PCDH9: variants seen among roughly 807,000 people sequenced by gnomAD.
The protein encoded by PCDH9 is protocadherin 9, also known as protocadherin-9.
In PCDH9, 24 loss-of-function variants were observed where a neutral mutation model predicts 70.6. The observed-to-expected ratio is 0.34, with a 90% CI of 0.25 to 0.48. The LOEUF (loss-of-function observed/expected upper bound fraction) is 0.48. PCDH9 is among the 20% of genes least tolerant of loss of function. The probability of loss-of-function intolerance (pLI) is 0.99; values close to 1 mark genes in which losing one functional copy is unlikely to be tolerated. For missense variants in PCDH9, 1,281 were observed against 1,503.6 expected (o/e 0.85, Z 2.45); for synonymous variants, 562 against 558.5 (o/e 1.01, Z -0.09).
At chr13:66,824,717 T>G in intron 3 of PCDH9, among the ~76,000 whole-genome samples, 1 of 140,376 alleles carries the variant, frequency 7.1e-6, no homozygotes, top group East Asian at 2.1e-4. Flanking sequence ...CATATATATA[T>G]ACACACACAC....
Position 66,682,320 on chromosome 13 carries a change from G to A in PCDH9, c.3139-50909C>T, listed in dbSNP as rs142700058. ...GCAATATTACCTCCTTTATGAATGCGTGACCTATCGCTATGCCTGTAGCTG... is the reference window on the plus strand; with the variant it reads ...GCAATATTACCTCCTTTATGAATGCATGACCTATCGCTATGCCTGTAGCTG... On this transcript the variant is annotated intron_variant, in intron 3 of 4. Transcript: ENST00000377865. 1.2e-3 allele frequency among the ~76,000 whole-genome samples: 181 copies of A among 151,888 alleles called. 1 individual carries two copies. The highest frequency in any genetic ancestry group is 4.2e-3 in the African/African-American group (173 of 41,430).
intron 2 of PCDH9, among the ~76,000 whole-genome samples, chr13:67,139,961 A>G (rs2087331926): frequency 6.6e-6 from 1 of 151,084 alleles, no homozygotes; most frequent in Admixed American, 6.6e-5. Context: ...TCTGAAATAC[A>G]ACTTCATAGG....
intron 2 of PCDH9, among the ~76,000 whole-genome samples, chr13:67,052,268 G>T (rs2085337752): frequency 1.3e-5 from 2 of 152,258 alleles, no homozygotes; most frequent in South Asian, 2.1e-4. Flanking sequence ...TGAGAAAGTG[G>T]CACTAAGGTG....
chr13:66,690,740 A>C (rs1202965856), intron 3 of PCDH9, among the ~76,000 whole-genome samples: 3 of 152,210 alleles, frequency 2.0e-5, no homozygotes, highest in Non-Finnish European at 2.9e-5. Context: ...GTCAGAAATA[A>C]GTTTCCTGGT....
At chr13:66,375,930 C>A (rs1956738505) in intron 4 of PCDH9, among the ~76,000 whole-genome samples, 1 of 152,058 alleles carries the variant, frequency 6.6e-6, no homozygotes, top group Non-Finnish European at 1.5e-5. Context: ...CAGTTCTCCT[C>A]TGTGAGTACA....
intron 4 of PCDH9, among the ~76,000 whole-genome samples, chr13:66,524,183 A>G (rs1366328543): frequency 6.6e-6 from 1 of 152,168 alleles, no homozygotes; most frequent in Non-Finnish European, 1.5e-5. Context: ...AAAATCAAAT[A>G]TATTGAAAGT....
At chr13:66,874,435 G>A (rs1415812587) in intron 3 of PCDH9, among the ~76,000 whole-genome samples, 5 of 152,022 alleles carry the variant, frequency 3.3e-5, no homozygotes, top group Non-Finnish European at 5.9e-5. Flanking sequence ...CATCTGCCTT[G>A]TAGATTTTAC....
At chr13:67,219,688 T>C (rs2089682218) in intron 2 of PCDH9, 2 of 152,036 alleles carry the variant, frequency 1.3e-5, no homozygotes, top group African/African-American at 4.8e-5. Context: ...ATGGTTAGGG[T>C]CCTTATATGT....
intron 3 of PCDH9, among the ~76,000 whole-genome samples, chr13:66,696,205 C>A (rs1489966245): frequency 1.3e-5 from 2 of 151,968 alleles, no homozygotes; most frequent in African/African-American, 2.4e-5. Flanking sequence ...TTTAAAAAAT[C>A]ACTTTCTTAG....
intron 3 of PCDH9, among the ~76,000 whole-genome samples, chr13:66,875,272 C>CTGTGTG (rs1367664535): frequency 2.0e-5 from 3 of 152,150 alleles, no homozygotes; most frequent in African/African-American, 7.2e-5. Context: ...CCACAACCCA[C>CTGTGTG]TGTGTAAAAA....
intron 2 of PCDH9, among the ~76,000 whole-genome samples, chr13:67,185,088 T>C (rs2138496282): frequency 6.6e-6 from 1 of 152,260 alleles, no homozygotes; most frequent in Non-Finnish European, 1.5e-5. Flanking sequence ...CACTAATATT[T>C]GATCTACTAG....
At chr13:67,153,938 A>T (rs537775786) in intron 2 of PCDH9, among the ~76,000 whole-genome samples, 1 of 152,340 alleles carries the variant, frequency 6.6e-6, no homozygotes, top group African/African-American at 2.4e-5. Context: ...AATTAAAAAG[A>T]CACAAAATGA....
At chr13:66,830,578 G>T (rs1488234888) in intron 3 of PCDH9, among the ~76,000 whole-genome samples, 1 of 152,132 alleles carries the variant, frequency 6.6e-6, no homozygotes, top group East Asian at 1.9e-4. Flanking sequence ...ATTAAGTAAT[G>T]AATTATGAGT....
At chr13:66,471,767 C>G (rs1044833964) in intron 4 of PCDH9, among the ~76,000 whole-genome samples, 1 of 152,110 alleles carries the variant, frequency 6.6e-6, no homozygotes, top group East Asian at 1.9e-4. Context: ...TAGTCTAGCT[C>G]TAGAGTTTCC....
intron 4 of PCDH9, among the ~76,000 whole-genome samples, chr13:66,345,545 G>A (rs1956200105): frequency 1.3e-5 from 2 of 152,096 alleles, no homozygotes; most frequent in African/African-American, 2.4e-5. Flanking sequence ...GCCAGGCAAC[G>A]AGGCCCTTCA....
At chr13:67,148,001 G>T (rs2087564728) in intron 2 of PCDH9, among the ~76,000 whole-genome samples, 1 of 152,116 alleles carries the variant, frequency 6.6e-6, no homozygotes, top group South Asian at 2.1e-4. Flanking sequence ...CAGAAAGTCG[G>T]CTGCTATAAC....
At chr13:66,623,338 A>G (rs1593794797) in intron 4 of PCDH9, among the ~76,000 whole-genome samples, 1 of 152,244 alleles carries the variant, frequency 6.6e-6, no homozygotes, top group Non-Finnish European at 1.5e-5. Context: ...TAAACCATGT[A>G]TTCACTGAAG....
At chr13:66,575,160 T>C (rs893091158) in intron 4 of PCDH9, among the ~76,000 whole-genome samples, 7 of 151,948 alleles carry the variant, frequency 4.6e-5, no homozygotes, top group Admixed American at 1.3e-4. Flanking sequence ...GTGACAAGAA[T>C]GGAATTCCAT....
At chr13:66,592,055 A>T (rs1223682155) in intron 4 of PCDH9, among the ~76,000 whole-genome samples, 1 of 151,666 alleles carries the variant, frequency 6.6e-6, no homozygotes, top group African/African-American at 2.4e-5. Flanking sequence ...GGGGGTATAA[A>T]TGTGATGTGA....
Sources: gnomAD v4.1 joint callset for allele counts (sites outside exome capture counted in the v4.1 genomes callset) on GRCh38, gnomAD v4.1.1 for gene constraint, MANE v1.5 for transcripts, NCBI Gene and HGNC (gene_info 2026-07-23, HGNC 2026-07-21) for gene names.